The following PAPPA variants were observed in gnomAD, a reference collection of about 807,000 sequenced individuals.
The protein encoded by PAPPA is pappalysin 1, also known as pappalysin-1.
A neutral mutation model predicts 164.0 loss-of-function variants in PAPPA; 60 were observed. That is an observed-to-expected ratio of 0.37 (90% CI 0.30 to 0.45). The LOEUF is 0.45. Ranked by LOEUF, PAPPA falls within the 20% of genes least tolerant of loss-of-function variation. PAPPA has a pLI of 1.00. For synonymous variants in PAPPA, 875 were observed against 814.1 expected (o/e 1.07, Z -1.27); for missense variants, 1,782 against 2,087.3 (o/e 0.85, Z 2.85).
At chr9:116,248,933 G>A (rs1235545267) in intron 7 of PAPPA, among the ~76,000 whole-genome samples, 1 of 152,170 alleles carries the variant, frequency 6.6e-6, no homozygotes, top group Admixed American at 6.5e-5. Flanking sequence ...AGGATTGAAA[G>A]GACAAATGAG....
At chr9:116,311,901 C>T (rs1845722566) in intron 10 of PAPPA, among the ~76,000 whole-genome samples, 1 of 152,188 alleles carries the variant, frequency 6.6e-6, no homozygotes, top group African/African-American at 2.4e-5. Flanking sequence ...ATACAACAAA[C>T]ACATATTGAT....
chr9:116,297,627 T>G lies in PAPPA; in HGVS notation c.2954-5130T>G, dbSNP rs574668574. 4.6e-5 allele frequency among the ~76,000 whole-genome samples: 7 copies of G among 152,366 alleles called. No homozygotes were observed. The South Asian group carries it at 1.4e-3, about 32-fold the overall frequency. The stretch of plus-strand genomic sequence containing the variant: ...CAATGTAAGTCAATATATTCTTTTC[T>G]TTAGGTTGTTACTTTTTTCTTTTGT... On this transcript the variant is annotated intron_variant, in intron 9 of 21. Transcript: ENST00000328252.
intron 1 of PAPPA, among the ~76,000 whole-genome samples, chr9:116,159,150 C>T (rs1325140271): frequency 6.6e-6 from 1 of 152,220 alleles, no homozygotes; most frequent in Non-Finnish European, 1.5e-5. Context: ...CTTGGAATTT[C>T]TCTTACATGC....
intron 19 of PAPPA, among the ~76,000 whole-genome samples, chr9:116,374,167 GTGT>G (rs1204979239): frequency 3.4e-5 from 5 of 146,400 alleles, no homozygotes; most frequent in African/African-American, 1.0e-4. Flanking sequence ...GTTGGTGGTG[GTGT>G]TGATGATGAT....
intron 2 of PAPPA, among the ~76,000 whole-genome samples, chr9:116,188,911 C>T (rs1844010501): frequency 6.6e-6 from 1 of 152,166 alleles, no homozygotes; most frequent in African/African-American, 2.4e-5. Flanking sequence ...AGAGAGAAGA[C>T]ATATAAAGTA....
At chr9:116,160,938 C>T (rs544088373) in intron 1 of PAPPA, among the ~76,000 whole-genome samples, 10 of 152,290 alleles carry the variant, frequency 6.6e-5, no homozygotes, top group Admixed American at 5.9e-4. Context: ...CCTGTGGTCT[C>T]TGACTTAACC....
At chr9:116,235,029 CT>C in intron 6 of PAPPA, 109 bp from the exon 7 acceptor site, 1 of 1,212,814 alleles carries the variant, frequency 8.2e-7, no homozygotes, top group Non-Finnish European at 1.2e-6. Context: ...TCCTTTTCCC[CT>C]CTGTCTAAGT....
intron 8 of PAPPA, among the ~76,000 whole-genome samples, chr9:116,269,034 C>A (rs531694130): frequency 7.2e-4 from 109 of 152,194 alleles, no homozygotes; most frequent in Middle Eastern, 3.4e-3. Context: ...TCCATAGCAA[C>A]AGGTTCTACA....
chr9:116,288,251 C>G (rs1233193802), intron 9 of PAPPA, among the ~76,000 whole-genome samples: 1 of 152,078 alleles, frequency 6.6e-6, no homozygotes, highest in Non-Finnish European at 1.5e-5. Flanking sequence ...TGCCTGTAAT[C>G]CCAGCTACTT....
At chr9:116,327,365 G>C (rs1215879096) in intron 10 of PAPPA, among the ~76,000 whole-genome samples, 1 of 152,184 alleles carries the variant, frequency 6.6e-6, no homozygotes, top group African/African-American at 2.4e-5. Context: ...TGGGAAGGGG[G>C]AAAAGGTTAA....
At chr9:116,380,485 A>G (rs190291331) in intron 20 of PAPPA, among the ~76,000 whole-genome samples, 3 of 152,310 alleles carry the variant, frequency 2.0e-5, no homozygotes, top group South Asian at 4.1e-4. Context: ...AGTTCCTTTT[A>G]TTCTAAGGAA....
At chr9:116,229,211 T>G (rs751278624) in intron 6 of PAPPA, among the ~76,000 whole-genome samples, 1 of 152,208 alleles carries the variant, frequency 6.6e-6, no homozygotes, top group African/African-American at 2.4e-5. Flanking sequence ...TGAAAAAGTT[T>G]GGTATGTTCA....
At chr9:116,307,777 A>C (rs1253660444) in intron 10 of PAPPA, among the ~76,000 whole-genome samples, 1 of 152,086 alleles carries the variant, frequency 6.6e-6, no homozygotes, top group Non-Finnish European at 1.5e-5. Flanking sequence ...AATCATGCAG[A>C]TCTGGCTCTG....
intron 1 of PAPPA, among the ~76,000 whole-genome samples, chr9:116,186,551 C>A (rs900285433): frequency 1.3e-5 from 2 of 152,144 alleles, no homozygotes; most frequent in Non-Finnish European, 2.9e-5. Flanking sequence ...CTGACCCTCA[C>A]TTTTATGCCC....
At chr9:116,185,035 G>A (rs1216883718) in intron 1 of PAPPA, among the ~76,000 whole-genome samples, 1 of 152,200 alleles carries the variant, frequency 6.6e-6, no homozygotes, top group African/African-American at 2.4e-5. Context: ...GTTCAAAGAA[G>A]AGAATAATCA....
intron 9 of PAPPA, among the ~76,000 whole-genome samples, chr9:116,278,334 T>G (rs551947909): frequency 6.6e-6 from 1 of 152,188 alleles, no homozygotes; most frequent in African/African-American, 2.4e-5. Flanking sequence ...TATAGCCAGG[T>G]AGGTCAGAGA....
chr9:116,367,923 G>T (rs917166626), intron 19 of PAPPA, among the ~76,000 whole-genome samples, 169 bp downstream of exon 19: 1 of 152,186 alleles, frequency 6.6e-6, no homozygotes, highest in Non-Finnish European at 1.5e-5. Context: ...GTAGAGTCGG[G>T]AGGAGACTTA....
chr9:116,314,526 T>C (rs1318055406), intron 10 of PAPPA, among the ~76,000 whole-genome samples: 3 of 152,212 alleles, frequency 2.0e-5, no homozygotes, highest in African/African-American at 4.8e-5. Context: ...ACAAGAAATA[T>C]TGGTCTCAGT....
chr9:116,182,036 A>G (rs1288521398), intron 1 of PAPPA, among the ~76,000 whole-genome samples: 1 of 152,210 alleles, frequency 6.6e-6, no homozygotes, highest in Non-Finnish European at 1.5e-5. Flanking sequence ...GGCCTTTGGC[A>G]CTTAATGTAT....
Sources: allele counts gnomAD v4.1 joint callset (sites outside exome capture counted in the v4.1 genomes callset), GRCh38; gene constraint gnomAD v4.1.1; transcripts MANE v1.5; gene names NCBI Gene and HGNC (gene_info 2026-07-23, HGNC 2026-07-21).